Variants in NT5DC4 observed in about 807,000 individuals in gnomAD.
NT5DC4 encodes the protein 5'-nucleotidase domain-containing protein 4.
In NT5DC4, 44 loss-of-function variants were observed where a neutral mutation model predicts 26.6. The observed-to-expected ratio is 1.65, with a 90% CI of 1.30 to 2.13. The LOEUF is 2.13. Ranked by LOEUF, NT5DC4 falls within the 30% of genes most tolerant of loss-of-function variation. The pLI is 0.00. For synonymous variants in NT5DC4, 157 were observed against 86.7 expected (o/e 1.81, Z -4.51); for missense variants, 399 against 228.1 (o/e 1.75, Z -4.83).
intron 13 of NT5DC4, 68 bp from the exon 14 acceptor site, chr2:112,726,170 C>T: frequency 2.8e-6 from 2 of 715,186 alleles, no homozygotes; most frequent in South Asian, 1.5e-5. Flanking sequence ...AGGGCAGACA[C>T]AGGCAGGCAG....
chr2:112,735,918 G>A (rs895855775), intron 16 of NT5DC4, among the ~76,000 whole-genome samples: 2 of 152,172 alleles, frequency 1.3e-5, no homozygotes, highest in African/African-American at 4.8e-5. Context: ...GTAATACTGT[G>A]AGACATCCTG....
At chr2:112,732,852 G>C (rs1302253345) in intron 16 of NT5DC4, among the ~76,000 whole-genome samples, 1 of 152,118 alleles carries the variant, frequency 6.6e-6, no homozygotes, top group Non-Finnish European at 1.5e-5. Context: ...GACTAGACCA[G>C]TTTCTCTTTA....
rs1280621209 is a variant in NT5DC4 at position 112,721,912 on chromosome 2, G to A, written c.148+21G>A. Reference sequence around the variant, plus strand: ...GGCTGGTAGAGAGGGCTGGAACACAGCGTATTGGGAGCTGGAGGGAGCAGG... The same window carrying A: ...GGCTGGTAGAGAGGGCTGGAACACAACGTATTGGGAGCTGGAGGGAGCAGG... On this transcript the variant is annotated intron_variant, in intron 2 of 16. Coordinates refer to ENST00000688554, the MANE Select transcript of NT5DC4 (RefSeq NM_001393655.1). The A allele has an allele frequency of 8.4e-6, 6 of 717,446 alleles. No homozygotes were observed. The East Asian group carries it at 1.6e-4, about 19-fold the overall frequency. 44.4% of individuals were successfully genotyped at this position (717,446 alleles called of 1,614,324 possible).
downstream of NT5DC4, chr2:112,740,769 G>A (rs1574317147): frequency 6.9e-7 from 1 of 1,454,508 alleles, no homozygotes; most frequent in Non-Finnish European, 9.5e-7. Flanking sequence ...TCGAGACTTG[G>A]ACTAGAATTA....
At chr2:112,729,751 C>T (rs1018628640) in intron 16 of NT5DC4, 47 bp downstream of exon 16, 1 of 716,812 alleles carries the variant, frequency 1.4e-6, no homozygotes, top group Non-Finnish European at 2.6e-6. Context: ...GTCCCATGGG[C>T]TAGAGTAGTG....
chr2:112,725,258 G>A lies in NT5DC4; in HGVS notation c.982+18G>A, dbSNP rs1677553572. The A allele has an allele frequency of 1.4e-6, 1 of 705,664 alleles. No homozygotes were observed. Among genetic ancestry groups the A allele is most frequent in the African/African-American group, 1.8e-5 (1 of 57,130 alleles). The allele number at this position is 705,664 out of a possible 1,614,324, so 43.7% of individuals were successfully genotyped here. ...CTCTGGAGGTACCAGCTCCCACCATGCCCCATCACTCCTTGGGCACCCTCC... is the reference window on the plus strand; with the variant it reads ...CTCTGGAGGTACCAGCTCCCACCATACCCCATCACTCCTTGGGCACCCTCC... On this transcript the variant is annotated intron_variant, in intron 12 of 16. Transcript: ENST00000688554.
intron 15 of NT5DC4, 196 bp downstream of exon 15, chr2:112,726,934 C>G: frequency 1.6e-6 from 1 of 611,374 alleles, no homozygotes; most frequent in South Asian, 1.9e-5. Flanking sequence ...CAGCGGTACC[C>G]TCTTGAAGGG....
At position 112,725,457 on chromosome 2, in the gene NT5DC4, G is replaced by A. The variant is rs1477817015; in HGVS notation, c.1058G>A (p.Gly353Glu). Residue 353 changes from glycine to glutamate, a missense_variant, in exon 13 of 17, where the codon GGG (glycine) becomes GAG (glutamate). Gly to Glu is a moderately conservative substitution (Grantham distance 98, BLOSUM62 -2). Transcript: ENST00000688554. Reference protein sequence around the residue: ...DILYIGDHIFGDILKSKKRQG... With the variant: ...DILYIGDHIFEDILKSKKRQG... ...CTGTACATTGGGGACCACATTTTTGGGGACATTCTCAAGTCCAAGAAGCGT... is the reference window on the plus strand; with the variant it reads ...CTGTACATTGGGGACCACATTTTTGAGGACATTCTCAAGTCCAAGAAGCGT... 1.4e-6 allele frequency: 1 copy of A among 717,184 alleles called. No homozygotes were observed. Among genetic ancestry groups the A allele is most frequent in the Admixed American group, 2.0e-5 (1 of 49,994 alleles). The allele number at this position is 717,184 out of a possible 1,614,324, so 44.4% of individuals were successfully genotyped here. A position where few individuals can be genotyped will look rare whatever the true frequency, so the allele number is the denominator to read the frequency against.
At chr2:112,726,542 A>G (rs926611621) in intron 14 of NT5DC4, 136 bp from the exon 15 acceptor site, 3 of 690,112 alleles carry the variant, frequency 4.3e-6, no homozygotes, top group Non-Finnish European at 8.1e-6. Context: ...GCACGCATGC[A>G]CACACCCAGC....
chr2:112,730,310 C>CA (rs11375761), intron 16 of NT5DC4, among the ~76,000 whole-genome samples: 36,759 of 76,224 alleles, frequency 0.48, 10,009 homozygotes, highest in Middle Eastern at 0.62. Context: ...AAGACTGTCT[C>CA]AAAAAAAAAA....
chr2:112,732,730 C>T (rs1486205650), intron 16 of NT5DC4, among the ~76,000 whole-genome samples: 5 of 152,100 alleles, frequency 3.3e-5, no homozygotes, highest in African/African-American at 7.2e-5. Flanking sequence ...GGGATCCTAG[C>T]GAGGGAAAGG....
At chr2:112,729,415 C>G (rs542193815) in intron 15 of NT5DC4, among the ~76,000 whole-genome samples, 1 of 152,236 alleles carries the variant, frequency 6.6e-6, no homozygotes, top group Non-Finnish European at 1.5e-5. Flanking sequence ...AGCCACCGCG[C>G]CTGGCCTTGG....
intron 16 of NT5DC4, among the ~76,000 whole-genome samples, chr2:112,734,128 A>G (rs1025312506): frequency 1.3e-5 from 2 of 150,240 alleles, no homozygotes; most frequent in African/African-American, 2.5e-5. Context: ...GAGCTTGGCC[A>G]GAGTAAGCAC....
upstream of NT5DC4, among the ~76,000 whole-genome samples, chr2:112,719,719 A>T (rs943587816): frequency 1.3e-5 from 2 of 151,446 alleles, no homozygotes; most frequent in Non-Finnish European, 2.9e-5. Flanking sequence ...CTCCCGACCT[A>T]GTGATCTGCC....
At chr2:112,728,604 C>T (rs577351455) in intron 15 of NT5DC4, among the ~76,000 whole-genome samples, 8 of 152,332 alleles carry the variant, frequency 5.3e-5, no homozygotes, top group East Asian at 1.9e-4. Flanking sequence ...GGCTCCCTGT[C>T]GCCTGCCTTC....
At chr2:112,722,669 G>C in intron 5 of NT5DC4, 45 bp from the exon 6 acceptor site, 1 of 717,532 alleles carries the variant, frequency 1.4e-6, no homozygotes, top group Non-Finnish European at 2.6e-6. Flanking sequence ...GTGGAGAACT[G>C]TCTGGCTCCC....
chr2:112,719,299 TC>T (rs1676617619), upstream of NT5DC4, among the ~76,000 whole-genome samples: 1 of 152,178 alleles, frequency 6.6e-6, no homozygotes, highest in Non-Finnish European at 1.5e-5. Context: ...GGGCGGAACA[TC>T]GTTCCGCAGC....
intron 16 of NT5DC4, among the ~76,000 whole-genome samples, chr2:112,730,028 T>C (rs144070279): frequency 1.1e-4 from 17 of 152,140 alleles, no homozygotes; most frequent in African/African-American, 4.1e-4. Flanking sequence ...AATGGGATAT[T>C]GGAGCCAGGT....
chr2:112,723,396 G>A (rs756715626), intron 7 of NT5DC4, 22 bp from the exon 8 acceptor site: 5 of 356,674 alleles, frequency 1.4e-5, no homozygotes, highest in Middle Eastern at 4.9e-4. Context: ...CACACACACA[G>A]GCACTTTGCT....
Sources: gnomAD v4.1 joint callset for allele counts (sites outside exome capture counted in the v4.1 genomes callset) on GRCh38, gnomAD v4.1.1 for gene constraint, MANE v1.5 for transcripts, NCBI Gene and HGNC (gene_info 2026-07-23, HGNC 2026-07-21) for gene names.